AKAP12: variants seen among roughly 807,000 people sequenced by gnomAD.
AKAP12 encodes A-kinase anchoring protein 12, also known as A-kinase anchor protein 12.
In AKAP12, 32 loss-of-function variants were observed where a neutral mutation model predicts 79.9. The observed-to-expected ratio is 0.40, with a 90% confidence interval of 0.30 to 0.54. The LOEUF (loss-of-function observed/expected upper bound fraction) is 0.54. AKAP12 is among the 20% of genes least tolerant of loss of function. AKAP12 has a pLI of 0.48. For synonymous variants in AKAP12, 808 were observed against 857.0 expected, an observed-to-expected ratio of 0.94 and a Z score of 1.00; for missense variants, 2,074 against 2,177.0, an observed-to-expected ratio of 0.95 and a Z score of 0.94.
chr6:151,310,673 A>C (rs904357498), intron 3 of AKAP12, among the ~76,000 whole-genome samples: 1 of 152,190 alleles, frequency 6.6e-6, no homozygotes, highest in African/African-American at 2.4e-5. Context: ...GTTGAGGAAA[A>C]TCAGTTACTC....
intron 3 of AKAP12, among the ~76,000 whole-genome samples, chr6:151,334,443 T>C (rs987413288): frequency 6.6e-6 from 1 of 151,428 alleles, no homozygotes; most frequent in Non-Finnish European, 1.5e-5. Context: ...AAGATAGAAA[T>C]ATTTAGCGGG....
intron 3 of AKAP12, among the ~76,000 whole-genome samples, chr6:151,321,956 T>C (rs1289657927): frequency 1.4e-5 from 2 of 144,520 alleles, no homozygotes; most frequent in South Asian, 2.3e-4. Flanking sequence ...TCGCCCAGGC[T>C]GGAGTGCAGT....
At chr6:151,345,562 AG>A (rs1778070373) in intron 3 of AKAP12, among the ~76,000 whole-genome samples, 4 of 151,084 alleles carry the variant, frequency 2.6e-5, no homozygotes, top group Admixed American at 2.6e-4. Flanking sequence ...TGGGAGGCTG[AG>A]GTGGGCGGAT....
intron 3 of AKAP12, among the ~76,000 whole-genome samples, chr6:151,335,654 A>G (rs543072650): frequency 6.6e-6 from 1 of 152,108 alleles, no homozygotes; most frequent in Non-Finnish European, 1.5e-5. Context: ...TATTTTTAGT[A>G]GAGACGGGGT....
At chr6:151,240,837 G>C (rs4537159) in intron 2 of AKAP12, 113 bp downstream of exon 2, 510,049 of 972,162 alleles carry the variant, frequency 0.52, 137,549 homozygotes, top group Admixed American at 0.6. Context: ...CCATCCAGCC[G>C]CATCTGCAAA....
intron 3 of AKAP12, among the ~76,000 whole-genome samples, chr6:151,348,102 A>G (rs2347438): frequency 0.68 from 103,179 of 151,418 alleles, 35,701 homozygotes; most frequent in Non-Finnish European, 0.74. Flanking sequence ...GCAGTGAGCC[A>G]CGATCGTGCC....
intron 3 of AKAP12, among the ~76,000 whole-genome samples, chr6:151,328,871 C>G (rs1170747880): frequency 6.6e-6 from 1 of 152,058 alleles, no homozygotes; most frequent in African/African-American, 2.4e-5. Flanking sequence ...AAAGCTGTCA[C>G]TTAATACTAT....
chr6:151,243,005 G>C (rs1314073958), intron 2 of AKAP12, among the ~76,000 whole-genome samples: 1 of 152,204 alleles, frequency 6.6e-6, no homozygotes, highest in Non-Finnish European at 1.5e-5. Context: ...TTATGATAGT[G>C]ACTAAGGCAA....
intron 3 of AKAP12, among the ~76,000 whole-genome samples, chr6:151,346,796 A>T (rs933877392): frequency 3.3e-5 from 5 of 152,246 alleles, no homozygotes; most frequent in African/African-American, 1.2e-4. Context: ...ATGAGTTATT[A>T]CAATGGTGTC....
chr6:151,271,964 G>A (rs1582847021), intron 2 of AKAP12, among the ~76,000 whole-genome samples: 2 of 152,198 alleles, frequency 1.3e-5, no homozygotes, highest in South Asian at 2.1e-4. Context: ...CCAGCCCAAC[G>A]TTAATTTAAT....
At chr6:151,355,383 A>C (rs9478199) in intron 4 of AKAP12, among the ~76,000 whole-genome samples, 82,969 of 151,278 alleles carry the variant, frequency 0.55, 24,751 homozygotes, top group Non-Finnish European at 0.68. Flanking sequence ...GCTTACTGCA[A>C]CCTCCACCTC....
chr6:151,340,792 TGAC>T (rs1194627358), intron 3 of AKAP12, among the ~76,000 whole-genome samples: 10 of 152,124 alleles, frequency 6.6e-5, no homozygotes, highest in Non-Finnish European at 1.5e-4. Context: ...CCTGTGACAC[TGAC>T]ATTTCAGGCC....
intron 3 of AKAP12, among the ~76,000 whole-genome samples, chr6:151,317,278 T>C (rs531818049): frequency 6.6e-6 from 1 of 152,348 alleles, no homozygotes; most frequent in African/African-American, 2.4e-5. Context: ...AGCTAAAATA[T>C]GCCTCCCTCC....
chr6:151,240,483 CT>C lies in AKAP12; in HGVS notation c.-76del. On this transcript the variant is annotated 5_prime_UTR_variant, in exon 2 of 5. Coordinates refer to ENST00000402676, the MANE Select transcript of AKAP12 (RefSeq NM_005100.4). ...CTCTCGGGACCTCGCGGGCGCGCGT[CT>C]TTTGGCTCTTGCCCCTGTCCCTGCG... is the stretch of plus-strand genomic sequence containing the variant. The C allele has an allele frequency of 7.6e-7, 1 of 1,317,152 alleles. No homozygotes were observed. Among genetic ancestry groups the C allele is most frequent in the Non-Finnish European group, 9.7e-7 (1 of 1,033,438 alleles). The allele number at this position is 1,317,152 out of a possible 1,614,324, so 81.6% of individuals were successfully genotyped here. A position where few individuals can be genotyped will look rare whatever the true frequency, so the allele number is the denominator to read the frequency against.
At chr6:151,323,648 C>T in intron 3 of AKAP12, 1 of 939,834 alleles carries the variant, frequency 1.1e-6, no homozygotes, top group Middle Eastern at 5.5e-4. Flanking sequence ...AGTACAGTGA[C>T]CTTTGAAAAT....
At chr6:151,354,597 C>T (rs1562757658) in intron 4 of AKAP12, among the ~76,000 whole-genome samples, 2 of 152,116 alleles carry the variant, frequency 1.3e-5, no homozygotes, top group African/African-American at 2.4e-5. Context: ...AGGTCTCGAT[C>T]TCCTGACCTC....
intron 3 of AKAP12, among the ~76,000 whole-genome samples, chr6:151,336,852 C>T (rs113001368): frequency 0.016 from 2,383 of 152,146 alleles, 60 homozygotes; most frequent in African/African-American, 0.055. Context: ...GTTTCTTTGC[C>T]GTTTGTATGT....
intron 3 of AKAP12, among the ~76,000 whole-genome samples, chr6:151,307,410 GA>G (rs1776999513): frequency 1.3e-5 from 2 of 152,192 alleles, no homozygotes; most frequent in South Asian, 4.1e-4. Flanking sequence ...GGTGTAGAAT[GA>G]AAGCCCAGAA....
intron 3 of AKAP12, among the ~76,000 whole-genome samples, chr6:151,307,364 G>A (rs1776998375): frequency 6.6e-6 from 1 of 152,162 alleles, no homozygotes; most frequent in African/African-American, 2.4e-5. Context: ...TGGTGTGTTG[G>A]AACAGCCTAG....
Sources: allele counts gnomAD v4.1 joint callset (sites outside exome capture counted in the v4.1 genomes callset), GRCh38; gene constraint gnomAD v4.1.1; transcripts MANE v1.5; gene names NCBI Gene and HGNC (gene_info 2026-07-23, HGNC 2026-07-21).